BMPR1B: variants seen among roughly 807,000 people sequenced by gnomAD.
The protein encoded by BMPR1B is bone morphogenetic protein receptor type-1B.
BMPR1B carries 12 observed loss-of-function variants against 59.1 expected under a neutral mutation model. The ratio of observed to expected loss-of-function variants is 0.20; its 90% CI spans 0.13 to 0.33. The LOEUF (loss-of-function observed/expected upper bound fraction) is 0.33. BMPR1B is among the 10% of genes least tolerant of loss of function. The pLI is 1.00. For missense variants in BMPR1B, 550 were observed against 610.9 expected (o/e 0.90, Z 1.05); for synonymous variants, 237 against 207.3 (o/e 1.14, Z -1.23).
At position 95,075,417 on chromosome 4, in the gene BMPR1B, CAT is replaced by C. The variant is rs1728629358; in HGVS notation, c.-17-28990_-17-28989del. 2.0e-5 allele frequency among the ~76,000 whole-genome samples: 3 copies of C among 152,252 alleles called. No homozygotes were observed. The South Asian group carries it at 6.2e-4, about 32-fold the overall frequency. On this transcript the variant is annotated intron_variant, in intron 3 of 12. Coordinates refer to ENST00000515059, the MANE Select transcript of BMPR1B (RefSeq NM_001203.3). ...GCATGATAGCGGTACTTTATTTTCA[CAT>C]GTTGTATGTAGACGATATATTAATA...
At chr4:94,976,887 C>A (rs1731053989) in intron 2 of BMPR1B, among the ~76,000 whole-genome samples, 1 of 151,988 alleles carries the variant, frequency 6.6e-6, no homozygotes, top group African/African-American at 2.4e-5. Context: ...CTTGGCTCCT[C>A]CTGTTTGTTC....
At chr4:94,878,804 G>A (rs1296721065) in intron 2 of BMPR1B, among the ~76,000 whole-genome samples, 1 of 148,516 alleles carries the variant, frequency 6.7e-6, no homozygotes, top group Non-Finnish European at 1.5e-5. Context: ...TGAGTTCCCA[G>A]TTCATGTGTT....
intron 4 of BMPR1B, among the ~76,000 whole-genome samples, chr4:95,109,533 T>G (rs1731458893): frequency 6.6e-6 from 1 of 152,116 alleles, no homozygotes; most frequent in Non-Finnish European, 1.5e-5. Flanking sequence ...TTGCACGTTT[T>G]ACCTTGCATA....
At chr4:95,141,870 T>G (rs543678880) in intron 10 of BMPR1B, among the ~76,000 whole-genome samples, 2 of 152,286 alleles carry the variant, frequency 1.3e-5, no homozygotes, top group Admixed American at 6.5e-5. Flanking sequence ...TGAGAAATTA[T>G]CCAAGTACAA....
At chr4:95,109,742 A>G in intron 4 of BMPR1B, among the ~76,000 whole-genome samples, 1 of 150,830 alleles carries the variant, frequency 6.6e-6, no homozygotes, top group South Asian at 2.1e-4. Context: ...GTTTTAGGGG[A>G]CGTGTGCACA....
chr4:95,045,378 T>C (rs988729446), intron 3 of BMPR1B, among the ~76,000 whole-genome samples: 1 of 152,184 alleles, frequency 6.6e-6, no homozygotes, highest in Admixed American at 6.5e-5. Flanking sequence ...AAGACATTGC[T>C]TCCCATGTGT....
intron 3 of BMPR1B, among the ~76,000 whole-genome samples, chr4:95,042,078 G>A (rs144161666): frequency 4.6e-5 from 7 of 152,010 alleles, no homozygotes; most frequent in Non-Finnish European, 8.8e-5. Flanking sequence ...GGATGGTCTC[G>A]ATCTCCTGAC....
At chr4:94,887,668 G>A (rs908368428) in intron 2 of BMPR1B, among the ~76,000 whole-genome samples, 1 of 151,624 alleles carries the variant, frequency 6.6e-6, no homozygotes, top group Non-Finnish European at 1.5e-5. Context: ...AAATTAATAA[G>A]CGGCATCAAA....
chr4:95,139,538 G>A (rs1024831403), intron 10 of BMPR1B, among the ~76,000 whole-genome samples: 18 of 152,212 alleles, frequency 1.2e-4, no homozygotes, highest in African/African-American at 4.1e-4. Context: ...GCAGGCAGGC[G>A]TCCTTGAGCT....
intron 3 of BMPR1B, among the ~76,000 whole-genome samples, chr4:95,028,438 A>T (rs1724577294): frequency 6.6e-6 from 1 of 152,116 alleles, no homozygotes; most frequent in Admixed American, 6.6e-5. Flanking sequence ...AAGACTGTCA[A>T]GGGGTATTTA....
chr4:95,131,057 A>T (rs969009154), intron 9 of BMPR1B, among the ~76,000 whole-genome samples, 158 bp from the exon 10 acceptor site: 1 of 152,048 alleles, frequency 6.6e-6, no homozygotes, highest in African/African-American at 2.4e-5. Context: ...ATTGCTTCTT[A>T]TTGGTATTAG....
In BMPR1B at chr4:94,864,827, A is replaced by T. The variant is rs72669094; in HGVS notation, c.-182-11004A>T. Reference sequence around the variant, plus strand: ...AGACACAGCCATTCCTTTAAAAAAAATTTTCAATCTGTTGTTGGTAAAACC... The same window carrying T: ...AGACACAGCCATTCCTTTAAAAAAATTTTTCAATCTGTTGTTGGTAAAACC... On this transcript the variant is annotated intron_variant, in intron 1 of 12. Transcript: ENST00000515059. Among the ~76,000 whole-genome samples, 794 of 152,102 alleles carry T rather than the reference A, an allele frequency of 5.2e-3. 10 individuals carry two copies. The highest frequency in any genetic ancestry group is 0.018 in the African/African-American group (765 of 41,396).
At chr4:95,139,877 G>A (rs897014669) in intron 10 of BMPR1B, among the ~76,000 whole-genome samples, 6 of 152,188 alleles carry the variant, frequency 3.9e-5, no homozygotes, top group Non-Finnish European at 7.3e-5. Flanking sequence ...GACCCCTTGC[G>A]CTTGCCGGGT....
intron 3 of BMPR1B, among the ~76,000 whole-genome samples, chr4:95,014,589 A>G (rs1188801780): frequency 2.0e-5 from 3 of 152,186 alleles, no homozygotes; most frequent in African/African-American, 7.2e-5. Context: ...CTTGGGCATG[A>G]TTGCATTCTC....
At chr4:94,908,088 A>AG (rs1728123429) in intron 2 of BMPR1B, among the ~76,000 whole-genome samples, 4 of 122,826 alleles carry the variant, frequency 3.3e-5, no homozygotes, top group South Asian at 2.4e-4. Context: ...AAAAAAAAAA[A>AG]AAGAAAAAAC....
intron 3 of BMPR1B, among the ~76,000 whole-genome samples, chr4:95,087,374 G>T (rs1443315888): frequency 6.6e-6 from 1 of 152,152 alleles, no homozygotes; most frequent in East Asian, 1.9e-4. Context: ...ATGTGTGTGT[G>T]TGTGTGTTTA....
At chr4:94,822,448 G>A (rs950723587) in intron 1 of BMPR1B, among the ~76,000 whole-genome samples, 2 of 152,176 alleles carry the variant, frequency 1.3e-5, no homozygotes, top group Non-Finnish European at 2.9e-5. Context: ...GGGTAGATGG[G>A]TAAATTAATA....
rs1726562620 is a variant in BMPR1B, at chr4:94,872,996, T to C, written c.-182-2835T>C. On this transcript the variant is annotated intron_variant, in intron 1 of 12. Transcript: ENST00000515059. ...GAAACCCAACTGATTCAGCTGCCTG[T>C]AGGGCCCCCAAGTACAACTTCACAT... Among the ~76,000 whole-genome samples the C allele has an allele frequency of 2.0e-5, 3 of 152,218 alleles. No homozygotes were observed. In the South Asian group the frequency reaches 6.2e-4, roughly 31 times the overall value.
chr4:94,904,374 G>GTTAATT (rs1281693868), intron 2 of BMPR1B, among the ~76,000 whole-genome samples: 1 of 152,026 alleles, frequency 6.6e-6, no homozygotes, highest in Non-Finnish European at 1.5e-5. Flanking sequence ...TAATGTTAAT[G>GTTAATT]TTAGTCTGTT....
Sources: gnomAD v4.1 joint callset for allele counts (sites outside exome capture counted in the v4.1 genomes callset) on GRCh38, gnomAD v4.1.1 for gene constraint, MANE v1.5 for transcripts, NCBI Gene and HGNC (gene_info 2026-07-23, HGNC 2026-07-21) for gene names.